Variants in KARS1 observed in about 807,000 individuals in gnomAD.
KARS1 encodes the protein lysyl-tRNA synthetase 1.
KARS1 carries 50 observed loss-of-function variants against 63.9 expected under a neutral mutation model. The ratio of observed to expected loss-of-function variants is 0.78; its 90% CI spans 0.62 to 0.99. KARS1 has a LOEUF of 0.99. Among genes scored for constraint, KARS1 ranks in the 50% least tolerant of loss-of-function variants. The pLI is 0.00. For synonymous variants in KARS1, 320 were observed against 264.6 expected (o/e 1.21, Z -2.03); for missense variants, 816 against 754.5 (o/e 1.08, Z -0.95).
chr16:75,634,265 G>C lies in KARS1; in HGVS notation c.823C>G (p.Pro275Ala). 1 of 1,613,944 alleles carries C rather than the reference G, an allele frequency of 6.2e-7. No homozygotes were observed. Among genetic ancestry groups the C allele is most frequent in the African/African-American group, 1.3e-5 (1 of 75,018 alleles). ...AAAGGCTTGGCCACGGCTCCCCCTG[G>C]GATGATGTTCATCATGGGAGTTTCA... ...EIETPMMNII[P>A]GGAVAKPFIT... The change falls in exon 7 of 14, where the codon CCA (proline) becomes GCA (alanine). Residue 275 changes from proline (P) to alanine (A), a missense_variant. Transcript: ENST00000302445.
chr16:75,635,491 T>C, intron 6 of KARS1, 189 bp downstream of exon 6: 3 of 676,784 alleles, frequency 4.4e-6, no homozygotes, highest in East Asian at 2.9e-5. Context: ...TTGTCCATTA[T>C]CTTGGAAGTC....
intron 2 of KARS1, 119 bp downstream of exon 2, chr16:75,641,445 T>C (rs2082222365): frequency 1.2e-6 from 1 of 819,262 alleles, no homozygotes; most frequent in Non-Finnish European, 2.0e-6. Context: ...CCCTCCCTTA[T>C]CCCTGGCAGT....
chr16:75,646,201 T>C (rs2082281720), intron 1 of KARS1, among the ~76,000 whole-genome samples: 1 of 152,346 alleles, frequency 6.6e-6, no homozygotes, highest in African/African-American at 2.4e-5. Flanking sequence ...ATTTCTCTTA[T>C]ACTTTTTCTA....
chr16:75,634,035 C>G lies in KARS1; in HGVS notation c.915+138G>C, dbSNP rs2082137179. On this transcript the variant is annotated intron_variant, in intron 7 of 13. Transcript: ENST00000302445. Reference sequence around the variant, plus strand: ...AAATTCTGGAAGTGTTACTCACATCCACACACCTGACCCATCAGAACACTT... The same window carrying G: ...AAATTCTGGAAGTGTTACTCACATCGACACACCTGACCCATCAGAACACTT... The G allele has an allele frequency of 3.3e-6, 3 of 897,456 alleles. 1 individual carries two copies. The highest frequency in any genetic ancestry group is 1.7e-5 in the Admixed American group (1 of 58,344). The allele number at this position is 897,456 out of a possible 1,614,324, so 55.6% of individuals were successfully genotyped here.
chr16:75,646,428 C>A (rs1004674148), intron 1 of KARS1, among the ~76,000 whole-genome samples: 3 of 151,880 alleles, frequency 2.0e-5, no homozygotes, highest in African/African-American at 7.3e-5. Context: ...GTAATCCCAG[C>A]TACTCGGGAG....
intron 13 of KARS1, 79 bp downstream of exon 13, chr16:75,628,490 C>G: frequency 6.5e-7 from 1 of 1,530,206 alleles, no homozygotes. Flanking sequence ...TTAATTTTAT[C>G]CTCCAGGCCC....
chr16:75,627,757 A>T lies in KARS1; in HGVS notation c.*138T>A. ...TAACAGGATTAAAAAGAAATTTTTA[A>T]TTCCTTGTCTCTCTTCTGATGGCTG... is the stretch of plus-strand genomic sequence containing the variant. On this transcript the variant is annotated 3_prime_UTR_variant, in exon 14 of 14. Coordinates refer to ENST00000302445, the MANE Select transcript of KARS1 (RefSeq NM_005548.3). 1.4e-6 allele frequency: 1 copy of T among 696,822 alleles called. No homozygotes were observed. Among genetic ancestry groups the T allele is most frequent in the Admixed American group, 2.2e-5 (1 of 46,480 alleles). The allele number at this position is 696,822 out of a possible 1,614,324, so 43.2% of individuals were successfully genotyped here. A position where few individuals can be genotyped will look rare whatever the true frequency, so the allele number is the denominator to read the frequency against.
At chr16:75,638,599 T>C (rs1433023434) in intron 3 of KARS1, among the ~76,000 whole-genome samples, 2 of 152,026 alleles carry the variant, frequency 1.3e-5, no homozygotes, top group African/African-American at 4.8e-5. Flanking sequence ...AATGAGGTGA[T>C]AACACATGAA....
chr16:75,633,856 C>G, intron 7 of KARS1: 1 of 361,788 alleles, frequency 2.8e-6, no homozygotes, highest in South Asian at 2.2e-5. Flanking sequence ...AGATTAGGCT[C>G]TTTCTTCTGT....
Position 75,631,163 on chromosome 16 carries a change from C to T in KARS1, c.1338+5G>A. 2 of 1,612,120 alleles carry T rather than the reference C, an allele frequency of 1.2e-6. No homozygotes were observed. The highest frequency in any genetic ancestry group is 1.7e-6 in the Non-Finnish European group (2 of 1,178,470). ...GACATGTACAAGAAGGCAGGGCCTT[C>T]TCACCTTGTCAAGGAGCCTGGCTGT... On this transcript the variant is annotated splice_donor_5th_base_variant and intron_variant, in intron 10 of 13. Transcript: ENST00000302445.
At chr16:75,635,367 CGT>C (rs2082150793) in intron 6 of KARS1, 4 of 343,460 alleles carry the variant, frequency 1.2e-5, no homozygotes, top group Non-Finnish European at 2.3e-5. Flanking sequence ...TTTTATGGTA[CGT>C]GTGTTTGCCT....
chr16:75,628,970 C>T, intron 12 of KARS1: 2 of 533,870 alleles, frequency 3.7e-6, no homozygotes, highest in South Asian at 2.0e-5. Context: ...CTGCTTGGGG[C>T]TCTGGGACTC....
chr16:75,632,244 C>T (rs531396619), intron 7 of KARS1, among the ~76,000 whole-genome samples: 120 of 152,314 alleles, frequency 7.9e-4, no homozygotes, highest in African/African-American at 2.8e-3. Flanking sequence ...CTCCAAAAGC[C>T]GTAACTTGGT....
At chr16:75,642,185 CTTTTTTTTTTT>C (rs148991591) in intron 1 of KARS1, among the ~76,000 whole-genome samples, 10 of 63,200 alleles carry the variant, frequency 1.6e-4, no homozygotes, top group East Asian at 9.9e-4. Flanking sequence ...AGTGCCAGGT[CTTTTTTTTTTT>C]TTTTTTTTTT....
intron 3 of KARS1, among the ~76,000 whole-genome samples, chr16:75,637,779 CAAA>C (rs72500765): frequency 1.8e-4 from 16 of 91,228 alleles, no homozygotes; most frequent in East Asian, 4.8e-4. Context: ...AACTCAGTCT[CAAA>C]AAAAAAAAAA....
At position 75,631,196 on chromosome 16, in the gene KARS1, G is replaced by A; in HGVS notation, c.1310C>T (p.Pro437Leu). 6.2e-7 allele frequency: 1 copy of A among 1,614,054 alleles called. No individual in the cohort carries two copies. The highest frequency in any genetic ancestry group is 8.5e-7 in the Non-Finnish European group (1 of 1,179,962). The change falls in exon 10 of 14, where the codon CCT (proline) becomes CTT (leucine). Residue 437 changes from proline to leucine, a missense_variant. Transcript: ENST00000302445. ...GTCAAGGAGCCTGGCTGTGGTCCGA[G>A]GTGGAGGGCATTCAACAGCTTTTGC... Reference protein sequence around the residue: ...CVAKAVECPPPRTTARLLDKL... With the variant: ...CVAKAVECPPLRTTARLLDKL...
intron 3 of KARS1, among the ~76,000 whole-genome samples, chr16:75,637,937 GGAA>G (rs1013897651): frequency 3.4e-5 from 5 of 148,972 alleles, no homozygotes; most frequent in South Asian, 2.1e-4. Flanking sequence ...AAAAAAGTGA[GGAA>G]GAAGAAGAGA....
At chr16:75,640,061 A>C in intron 3 of KARS1, 123 bp downstream of exon 3, 1 of 805,816 alleles carries the variant, frequency 1.2e-6, no homozygotes, top group South Asian at 1.4e-5. Flanking sequence ...CACTGTCCTT[A>C]GTAAAGTAGC....
intron 1 of KARS1, among the ~76,000 whole-genome samples, chr16:75,645,843 C>CAA (rs11363202): frequency 4.5e-4 from 37 of 81,840 alleles, no homozygotes; most frequent in South Asian, 1.1e-3. Context: ...ACTCTGCCTC[C>CAA]AAAAAAAAAA....
Sources: gnomAD v4.1 joint callset for allele counts (sites outside exome capture counted in the v4.1 genomes callset) on GRCh38, gnomAD v4.1.1 for gene constraint, MANE v1.5 for transcripts, NCBI Gene and HGNC (gene_info 2026-07-23, HGNC 2026-07-21) for gene names.